Variants in ENTPD1 observed in about 807,000 individuals in gnomAD.
The protein encoded by ENTPD1 is ectonucleoside triphosphate diphosphohydrolase 1, also known as ATP diphosphohydrolase.
In ENTPD1, 33 loss-of-function variants were observed where a neutral mutation model predicts 57.0. The observed-to-expected ratio is 0.58, with a 90% confidence interval of 0.44 to 0.77. The LOEUF (loss-of-function observed/expected upper bound fraction) is 0.77. ENTPD1 is among the 30% of genes least tolerant of loss of function. The pLI, the probability that ENTPD1 is intolerant of heterozygous loss-of-function variation, is 0.00. For missense variants in ENTPD1, 501 were observed against 603.4 expected, an observed-to-expected ratio of 0.83 and a Z score of 1.78; for synonymous variants, 202 against 218.8, an observed-to-expected ratio of 0.92 and a Z score of 0.68.
rs2098485768 is a variant in ENTPD1 at position 95,876,354 on chromosome 10, T to C, written c.*9971T>C. ...GCAAATACAGATAAATGGTAATTCT[T>C]AGAATGAACTACTCAGCACCAATTC... On this transcript the variant is annotated 3_prime_UTR_variant, in exon 10 of 10. Coordinates refer to ENST00000371205, the MANE Select transcript of ENTPD1 (RefSeq NM_001776.6). The C allele has an allele frequency of 2.0e-6, 2 of 985,448 alleles. No homozygotes were observed. Among genetic ancestry groups the C allele is most frequent in the African/African-American group, 3.5e-5 (2 of 57,378 alleles). 61.0% of individuals were successfully genotyped at this position (985,448 alleles called of 1,614,324 possible).
At chr10:95,747,127 T>A (rs868818026) in intron 1 of ENTPD1, among the ~76,000 whole-genome samples, 26 of 152,348 alleles carry the variant, frequency 1.7e-4, no homozygotes, top group Middle Eastern at 6.8e-3. Flanking sequence ...CCAAGATTTT[T>A]GAAGTATTGC....
chr10:95,868,115 C>T lies in ENTPD1; in HGVS notation c.*1732C>T. 3 of 983,556 alleles carry T rather than the reference C, an allele frequency of 3.1e-6. No individual in the cohort carries two copies. Among genetic ancestry groups the T allele is most frequent in the Non-Finnish European group, 3.6e-6 (3 of 828,202 alleles). 60.9% of individuals were successfully genotyped at this position (983,556 alleles called of 1,614,324 possible). On this transcript the variant is annotated 3_prime_UTR_variant, in exon 10 of 10. Coordinates refer to ENST00000371205, the MANE Select transcript of ENTPD1 (RefSeq NM_001776.6). ...CTTCTCATTTAATCCTCACAACAATCTGAAGAAGGTAGGTATTACAATTCC... is the reference window on the plus strand; with the variant it reads ...CTTCTCATTTAATCCTCACAACAATTTGAAGAAGGTAGGTATTACAATTCC...
chr10:95,707,522 A>G (rs1311543563), upstream of ENTPD1, among the ~76,000 whole-genome samples: 2 of 152,188 alleles, frequency 1.3e-5, no homozygotes, highest in African/African-American at 4.8e-5. Flanking sequence ...TAGGAATACA[A>G]TGGAGATTTC....
upstream of ENTPD1, chr10:95,753,205 T>C (rs1343689927): frequency 1.3e-5 from 2 of 152,220 alleles, no homozygotes; most frequent in Non-Finnish European, 2.9e-5. Flanking sequence ...GATAATTTTT[T>C]GTTGAGAAAG....
intron 1 of ENTPD1, among the ~76,000 whole-genome samples, chr10:95,817,619 T>C (rs752982200): frequency 1.3e-5 from 2 of 152,208 alleles, no homozygotes; most frequent in African/African-American, 2.4e-5. Flanking sequence ...CTCAGGGCCT[T>C]TCTGTGTACA....
intron 1 of ENTPD1, among the ~76,000 whole-genome samples, chr10:95,817,155 T>A (rs541097522): frequency 1.3e-5 from 2 of 152,320 alleles, no homozygotes. Flanking sequence ...GTTGGCTCGG[T>A]GACCCTTCCT....
intron 6 of ENTPD1, chr10:95,845,915 A>G (rs1335062445): frequency 2.7e-6 from 1 of 372,324 alleles, no homozygotes; most frequent in Non-Finnish European, 5.0e-6. Flanking sequence ...GGGAATTGCA[A>G]TTTATAAGCT....
upstream of ENTPD1, among the ~76,000 whole-genome samples, chr10:95,708,280 C>A (rs1250394083): frequency 6.6e-6 from 1 of 151,404 alleles, no homozygotes; most frequent in East Asian, 1.9e-4. Context: ...GTGCCGTGAC[C>A]TCGGCTCACT....
chr10:95,820,589 C>A (rs1020595778), intron 1 of ENTPD1, among the ~76,000 whole-genome samples: 5 of 152,182 alleles, frequency 3.3e-5, no homozygotes, highest in Admixed American at 1.3e-4. Context: ...TGTTCTTACT[C>A]CCTCTCCAGG....
intron 1 of ENTPD1, among the ~76,000 whole-genome samples, chr10:95,748,927 C>T (rs1336763654): frequency 6.6e-6 from 1 of 152,102 alleles, no homozygotes; most frequent in East Asian, 1.9e-4. Flanking sequence ...ACGTGTTTAT[C>T]CGTGCCCTCT....
intron 4 of ENTPD1, among the ~76,000 whole-genome samples, chr10:95,842,770 C>T (rs967674464): frequency 1.4e-4 from 22 of 152,036 alleles, no homozygotes; most frequent in African/African-American, 5.1e-4. Flanking sequence ...AAAGACTGGG[C>T]CCGTATACTC....
chr10:95,751,066 G>C (rs1281049421), upstream of ENTPD1, among the ~76,000 whole-genome samples: 1 of 152,090 alleles, frequency 6.6e-6, no homozygotes, highest in Non-Finnish European at 1.5e-5. Flanking sequence ...AAGGATTATG[G>C]GTCCTGGAAT....
At chr10:95,757,143 C>T (rs1184462024) in intron 1 of ENTPD1, among the ~76,000 whole-genome samples, 2 of 152,132 alleles carry the variant, frequency 1.3e-5, no homozygotes, top group African/African-American at 2.4e-5. Flanking sequence ...ATGCTTATAC[C>T]GTATAGAACA....
intron 1 of ENTPD1, among the ~76,000 whole-genome samples, chr10:95,783,266 G>A (rs535161456): frequency 1.1e-4 from 17 of 152,242 alleles, no homozygotes; most frequent in East Asian, 1.9e-4. Flanking sequence ...CTCTGTAGGA[G>A]CTCTAAATGG....
At chr10:95,739,601 T>G (rs2097998119) in intron 1 of ENTPD1, among the ~76,000 whole-genome samples, 1 of 152,218 alleles carries the variant, frequency 6.6e-6, no homozygotes, top group African/African-American at 2.4e-5. Flanking sequence ...TTCTTGCTAT[T>G]TCCACCACAT....
At chr10:95,839,878 A>C in intron 3 of ENTPD1, 70 bp downstream of exon 3, 1 of 1,484,290 alleles carries the variant, frequency 6.7e-7, no homozygotes, top group Non-Finnish European at 9.4e-7. Flanking sequence ...TATGACCAGT[A>C]GAACACAAGA....
chr10:95,863,247 C>CCCAGCCCCCCACAAGGGATAGG (rs2098468382), intron 8 of ENTPD1, among the ~76,000 whole-genome samples: 2 of 152,186 alleles, frequency 1.3e-5, no homozygotes, highest in Non-Finnish European at 2.9e-5. Flanking sequence ...AATGGCATCT[C>CCCAGCCCCCCACAAGGGATAGG]CCAGCCCCCC....
chr10:95,729,831 A>T (rs1010045286), intron 1 of ENTPD1, among the ~76,000 whole-genome samples: 2 of 152,156 alleles, frequency 1.3e-5, no homozygotes, highest in Admixed American at 6.5e-5. Context: ...GTGACTTTAC[A>T]TTGGGAGGAT....
chr10:95,824,191 C>T (rs1003894132), intron 2 of ENTPD1, among the ~76,000 whole-genome samples: 5 of 152,118 alleles, frequency 3.3e-5, no homozygotes, highest in Non-Finnish European at 7.4e-5. Flanking sequence ...TTATAGTAAA[C>T]AAATATATAA....
Sources: gnomAD v4.1 joint callset for allele counts (sites outside exome capture counted in the v4.1 genomes callset) on GRCh38, gnomAD v4.1.1 for gene constraint, MANE v1.5 for transcripts, NCBI Gene and HGNC (gene_info 2026-07-23, HGNC 2026-07-21) for gene names.